CHCHD3: variants seen among roughly 807,000 people sequenced by gnomAD.
CHCHD3 encodes MICOS complex subunit MIC19.
A neutral mutation model predicts 38.2 loss-of-function variants in CHCHD3; 20 were observed. The observed-to-expected ratio is 0.52, with a 90% CI of 0.37 to 0.76. The LOEUF (loss-of-function observed/expected upper bound fraction) is 0.76, where lower values mean the gene tolerates loss of function less well. Ranked by LOEUF, CHCHD3 falls within the 30% of genes least tolerant of loss-of-function variation. The pLI, the probability that CHCHD3 is intolerant of heterozygous loss-of-function variation, is 0.00. For synonymous variants in CHCHD3, 82 were observed against 100.0 expected, an observed-to-expected ratio of 0.82 and a Z score of 1.07; for missense variants, 245 against 279.2, an observed-to-expected ratio of 0.88 and a Z score of 0.87.
chr7:132,953,804 G>T (rs980003894), intron 4 of CHCHD3, among the ~76,000 whole-genome samples: 11 of 152,290 alleles, frequency 7.2e-5, no homozygotes, highest in African/African-American at 2.6e-4. Context: ...CAGGAGTAAA[G>T]GTCATAAGTA....
intron 4 of CHCHD3, among the ~76,000 whole-genome samples, chr7:132,927,253 T>C (rs1810399970): frequency 6.6e-6 from 1 of 152,238 alleles, no homozygotes; most frequent in Admixed American, 6.5e-5. Flanking sequence ...TTCTGATTCC[T>C]TCCTTAGCTG....
intron 3 of CHCHD3, among the ~76,000 whole-genome samples, chr7:132,980,358 G>A (rs1028046558): frequency 1.3e-5 from 2 of 152,176 alleles, no homozygotes; most frequent in South Asian, 2.1e-4. Context: ...AAGTATCTTA[G>A]AGAATACATT....
At chr7:132,867,324 C>A (rs1352209544) in intron 5 of CHCHD3, among the ~76,000 whole-genome samples, 9 of 152,146 alleles carry the variant, frequency 5.9e-5, no homozygotes, top group African/African-American at 1.9e-4. Flanking sequence ...TATTAAATTA[C>A]ATTAAAATGT....
chr7:132,836,107 T>C (rs1205259986), intron 6 of CHCHD3, among the ~76,000 whole-genome samples: 1 of 150,756 alleles, frequency 6.6e-6, no homozygotes, highest in Non-Finnish European at 1.5e-5. Flanking sequence ...CAATCACAAA[T>C]TCATGTGTCT....
intron 4 of CHCHD3, among the ~76,000 whole-genome samples, chr7:132,894,755 G>A (rs1259092582): frequency 6.6e-6 from 1 of 152,188 alleles, no homozygotes; most frequent in African/African-American, 2.4e-5. Flanking sequence ...CTTCTGGGAA[G>A]GAAATCTGTC....
intron 2 of CHCHD3, among the ~76,000 whole-genome samples, chr7:133,036,281 C>G (rs1447267191): frequency 1.3e-5 from 2 of 152,070 alleles, no homozygotes; most frequent in African/African-American, 4.8e-5. Context: ...ATTTTTATCT[C>G]AAGTTACACA....
At chr7:133,033,130 G>T (rs561908682) in intron 2 of CHCHD3, among the ~76,000 whole-genome samples, 210 of 152,260 alleles carry the variant, frequency 1.4e-3, no homozygotes, top group Non-Finnish European at 2.5e-3. Context: ...TAATAAAACA[G>T]TCTGAATCTT....
rs1027694090 is a variant in CHCHD3 at position 132,955,769 on chromosome 7, G to A, written c.369+19400C>T. Among the ~76,000 whole-genome samples the A allele has an allele frequency of 2.0e-5, 3 of 152,244 alleles. No individual in the cohort carries two copies. In the East Asian group the frequency reaches 5.8e-4, roughly 29 times the overall value. ...GCTCAATTCTGATTCTAACAAGGAA[G>A]AGCAGAGATTTATAACCAAGGAGCA... On this transcript the variant is annotated intron_variant, in intron 4 of 7. Coordinates refer to ENST00000262570, the MANE Select transcript of CHCHD3 (RefSeq NM_017812.4).
rs1813646907 is a variant in CHCHD3 at position 133,035,488 on chromosome 7, A to G, written c.170-10861T>C. The G allele has an allele frequency of 6.2e-7, 1 of 1,613,274 alleles. No homozygotes were observed. Among genetic ancestry groups the G allele is most frequent in the African/African-American group, 1.3e-5 (1 of 74,874 alleles). Reference sequence around the variant, plus strand: ...ACCAGAAAAGTCCTCGTCTTCAAGTAAGCATCCAGCAGCCCCAGAATTCGC... The same window carrying G: ...ACCAGAAAAGTCCTCGTCTTCAAGTGAGCATCCAGCAGCCCCAGAATTCGC... On this transcript the variant is annotated intron_variant, in intron 2 of 7. Transcript: ENST00000262570. The surrounding 1 kb of genome is among the most constrained non-coding windows in gnomAD (Gnocchi z 4.7).
intron 4 of CHCHD3, among the ~76,000 whole-genome samples, chr7:132,915,652 A>G (rs1050926847): frequency 1.3e-5 from 2 of 152,128 alleles, no homozygotes; most frequent in Admixed American, 1.3e-4. Context: ...CAAATTTCTG[A>G]CTCCAAAAAT....
intron 2 of CHCHD3, among the ~76,000 whole-genome samples, chr7:133,045,838 G>A (rs1301797187): frequency 1.3e-5 from 2 of 152,120 alleles, no homozygotes; most frequent in Non-Finnish European, 1.5e-5. Context: ...GTTTAAAAGT[G>A]TGTGGCACCT....
At chr7:133,034,985 C>A (rs1813621817) in intron 2 of CHCHD3, 1 of 1,607,146 alleles carries the variant, frequency 6.2e-7, no homozygotes, top group African/African-American at 1.3e-5. Context: ...TATCAAAGTG[C>A]TCCCAGAAAT....
intron 4 of CHCHD3, among the ~76,000 whole-genome samples, chr7:132,963,488 C>A (rs1038797165): frequency 4.6e-5 from 7 of 151,466 alleles, no homozygotes; most frequent in African/African-American, 1.7e-4. Flanking sequence ...AAAAATTAGC[C>A]AGGCATGGTA....
At chr7:133,018,365 T>C (rs188183525) in intron 3 of CHCHD3, among the ~76,000 whole-genome samples, 4 of 152,346 alleles carry the variant, frequency 2.6e-5, no homozygotes, top group Non-Finnish European at 5.9e-5. Flanking sequence ...TTTGCAACTA[T>C]TTATAAATTA....
chr7:132,860,322 G>GAT (rs1554377231), intron 5 of CHCHD3, among the ~76,000 whole-genome samples: 19 of 149,876 alleles, frequency 1.3e-4, no homozygotes, highest in African/African-American at 4.7e-4. Flanking sequence ...GAGAAAGAGA[G>GAT]AGAGAGAGAG....
At chr7:133,067,775 T>C (rs115664299) in intron 2 of CHCHD3, among the ~76,000 whole-genome samples, 1,570 of 152,384 alleles carry the variant, frequency 0.01, 31 homozygotes, top group African/African-American at 0.036. Context: ...GTTATATATG[T>C]AGTTTATCTG....
intron 6 of CHCHD3, among the ~76,000 whole-genome samples, chr7:132,837,933 G>T (rs1315015482): frequency 1.3e-5 from 2 of 152,052 alleles, no homozygotes; most frequent in African/African-American, 4.8e-5. Context: ...TCAAGGGCCA[G>T]GTAAAGTCTA....
intron 2 of CHCHD3, among the ~76,000 whole-genome samples, chr7:133,044,461 TA>T (rs1463181932): frequency 6.6e-6 from 1 of 151,982 alleles, no homozygotes; most frequent in African/African-American, 2.4e-5. Flanking sequence ...TGCAGCAAAA[TA>T]AAAGTTAATG....
intron 2 of CHCHD3, among the ~76,000 whole-genome samples, chr7:133,067,327 G>T (rs1185471775): frequency 6.6e-6 from 1 of 152,080 alleles, no homozygotes; most frequent in Admixed American, 6.5e-5. Context: ...AATTTTAAAT[G>T]TATCCATATA....
Sources: gnomAD v4.1 joint callset for allele counts (sites outside exome capture counted in the v4.1 genomes callset) on GRCh38, gnomAD v4.1.1 for gene constraint, Gnocchi (gnomAD v3.1) non-coding constraint, MANE v1.5 for transcripts, NCBI Gene and HGNC (gene_info 2026-07-23, HGNC 2026-07-21) for gene names.